CLEC4F: variants seen among roughly 807,000 people sequenced by gnomAD.
The protein encoded by CLEC4F is C-type lectin domain family 4 member F, also known as C-type (calcium dependent, carbohydrate-recognition domain) lectin, superfamily member 13.
CLEC4F carries 45 observed loss-of-function variants against 53.4 expected under a neutral mutation model. The ratio of observed to expected loss-of-function variants is 0.84; its 90% CI spans 0.66 to 1.08. CLEC4F has a LOEUF of 1.08. Ranked by LOEUF, CLEC4F falls within the 50% of genes least tolerant of loss-of-function variation. CLEC4F has a pLI of 0.00. For missense variants in CLEC4F, 753 were observed against 698.2 expected (o/e 1.08, Z -0.88); for synonymous variants, 245 against 257.5 (o/e 0.95, Z 0.46).
chr2:70,822,948 G>A (rs962191328), upstream of CLEC4F, among the ~76,000 whole-genome samples: 1 of 152,238 alleles, frequency 6.6e-6, no homozygotes, highest in Admixed American at 6.5e-5. Flanking sequence ...GAAGCCACAC[G>A]GAACGTGCCT....
In CLEC4F at chr2:70,819,457, A is replaced by C; in HGVS notation, c.179-13T>G. On this transcript the variant is annotated splice_polypyrimidine_tract_variant and intron_variant, in intron 2 of 6. Transcript: ENST00000272367. Reference sequence around the variant, plus strand: ...GTCTGCTGTTGAACTGAGACATTCCATTTTTCCAGGTCAGCAAATCCCCAG... The same window carrying C: ...GTCTGCTGTTGAACTGAGACATTCCCTTTTTCCAGGTCAGCAAATCCCCAG... 1 of 1,612,842 alleles carries C rather than the reference A, an allele frequency of 6.2e-7. No individual in the cohort carries two copies. Among genetic ancestry groups the C allele is most frequent in the Non-Finnish European group, 8.5e-7 (1 of 1,178,984 alleles).
rs782793654 is a variant in CLEC4F, at chr2:70,816,953, C to T, written c.428G>A (p.Gly143Glu). ...CATCTGGATGTCAGCATTGGTGTTT[C>T]CCAGATGATCACCGAGCACCTGGAG... The part of the protein sequence containing the change: ...SQLQVLGDHL[G>E]NTNADIQMVK... The change falls in exon 4 of 7, where the codon GGA (glycine) becomes GAA (glutamate). Residue 143 changes from glycine to glutamate, a missense_variant. Physicochemically the swap from Gly to Glu is moderately conservative, Grantham distance 98 (BLOSUM62 -2). Coordinates refer to ENST00000272367, the MANE Select transcript of CLEC4F (RefSeq NM_173535.3). The T allele has an allele frequency of 2.5e-6, 4 of 1,614,150 alleles. No homozygotes were observed. Among genetic ancestry groups the T allele is most frequent in the Non-Finnish European group, 1.7e-6 (2 of 1,180,034 alleles).
At chr2:70,810,257 C>T (rs1676474597) in intron 5 of CLEC4F, among the ~76,000 whole-genome samples, 1 of 151,706 alleles carries the variant, frequency 6.6e-6, no homozygotes. Flanking sequence ...ACAGATAATA[C>T]TAATCTTATT....
At chr2:70,818,397 G>A (rs1553396944) in intron 3 of CLEC4F, among the ~76,000 whole-genome samples, 3 of 152,150 alleles carry the variant, frequency 2.0e-5, no homozygotes, top group Admixed American at 1.3e-4. Flanking sequence ...TAACTCAAAT[G>A]AGGCAGAGAC....
rs78241995 is a variant in CLEC4F at position 70,816,596 on chromosome 2, T to A, written c.785A>T (p.Asp262Val). 4.0e-3 allele frequency: 6,440 copies of A among 1,614,082 alleles called. 221 individuals carry two copies. In the African/African-American group the frequency reaches 0.076, roughly 19 times the overall value. Residue 262 changes from aspartate to valine, a missense_variant, in exon 4 of 7, where the codon GAT becomes GTT. Asp to Val is a radical substitution (Grantham distance 152, BLOSUM62 -3). Transcript: ENST00000272367. ...CTGGGTCCTCAAGTCATTGACACTATCTAGATGGCCTCTCAAAACATAGAT... is the reference window on the plus strand; with the variant it reads ...CTGGGTCCTCAAGTCATTGACACTAACTAGATGGCCTCTCAAAACATAGAT... ...AEIYVLRGHL[D>V]SVNDLRTQNQ...
At chr2:70,818,970 T>A (rs567233814) in intron 3 of CLEC4F, among the ~76,000 whole-genome samples, 2 of 152,180 alleles carry the variant, frequency 1.3e-5, no homozygotes, top group East Asian at 3.9e-4. Context: ...TGATCTCTTA[T>A]CTATAAAACT....
chr2:70,809,896 G>A (rs782480125), intron 5 of CLEC4F, 39 bp from the exon 6 acceptor site: 6 of 1,443,206 alleles, frequency 4.2e-6, no homozygotes, highest in African/African-American at 1.4e-5. Context: ...CCCTGTGTGT[G>A]GGGAGCCAGT....
rs1413870882 is a variant in CLEC4F, at chr2:70,819,410, C to T, written c.213G>A (p.Val71=). 1 of 1,614,010 alleles carries T rather than the reference C, an allele frequency of 6.2e-7. No individual in the cohort carries two copies. Among genetic ancestry groups the T allele is most frequent in the Non-Finnish European group, 8.5e-7 (1 of 1,180,026 alleles). The change falls in exon 3 of 7, where the codon GTG becomes GTA. Residue 71 remains valine (V), a synonymous_variant. Transcript: ENST00000272367. The part of the protein sequence containing the change: ...QQQTRPVPKP[V]QAVILGDNIT... ...TGTTGTCTCCCAGAATTACGGCTTG[C>T]ACAGGCTTCGGAACAGGTCTTGTCT...
At chr2:70,817,890 G>A (rs1032411737) in intron 3 of CLEC4F, among the ~76,000 whole-genome samples, 4 of 152,170 alleles carry the variant, frequency 2.6e-5, no homozygotes, top group Non-Finnish European at 4.4e-5. Context: ...AAGGCCTTGC[G>A]CTGGGGTCGT....
chr2:70,809,509 G>T, intron 6 of CLEC4F, 127 bp from the exon 7 acceptor site: 1 of 1,055,656 alleles, frequency 9.5e-7, no homozygotes, highest in Non-Finnish European at 1.4e-6. Context: ...ACACCTGTGT[G>T]TCCAAACGCA....
At chr2:70,820,359 T>C in intron 1 of CLEC4F, 104 bp downstream of exon 1, 2 of 1,017,950 alleles carry the variant, frequency 2.0e-6, no homozygotes, top group Non-Finnish European at 2.9e-6. Flanking sequence ...GACAAGGGTC[T>C]GGGGAGAGCA....
Position 70,809,197 on chromosome 2 carries a change from T to A in CLEC4F, c.*74A>T. ...GAGCTGACTTGAGATGGGTCCTTCA[T>A]CCCCTAGTGGCCCTAGGATGAGGAC... On this transcript the variant is annotated 3_prime_UTR_variant, in exon 7 of 7. Coordinates refer to ENST00000272367, the MANE Select transcript of CLEC4F (RefSeq NM_173535.3). 6.3e-7 allele frequency: 1 copy of A among 1,575,350 alleles called. No individual in the cohort carries two copies. The highest frequency in any genetic ancestry group is 1.9e-5 in the Admixed American group (1 of 52,876).
chr2:70,812,454 T>C lies in CLEC4F; in HGVS notation c.1532A>G (p.Glu511Gly), dbSNP rs1676621696. 1.2e-6 allele frequency: 2 copies of C among 1,613,964 alleles called. No individual in the cohort carries two copies. The highest frequency in any genetic ancestry group is 1.3e-5 in the African/African-American group (1 of 74,910). Reference protein sequence around the residue: ...GAHLASVASKEEQAFLVEFTS... With the variant: ...GAHLASVASKGEQAFLVEFTS... Reference sequence around the variant, plus strand: ...CATGCTCGCAGCTCTGACCTGCTCCTCCTTGGAGGCCACAGATGCCAGATG... The same window carrying C: ...CATGCTCGCAGCTCTGACCTGCTCCCCCTTGGAGGCCACAGATGCCAGATG... Residue 511 changes from glutamate to glycine, a missense_variant, in exon 5 of 7, where the codon GAG (glutamate) becomes GGG (glycine). Transcript: ENST00000272367.
chr2:70,809,531 C>G lies in CLEC4F; in HGVS notation c.1659-149G>C, dbSNP rs59721134. On this transcript the variant is annotated intron_variant, in intron 6 of 6. Coordinates refer to ENST00000272367, the MANE Select transcript of CLEC4F (RefSeq NM_173535.3). Reference sequence around the variant, plus strand: ...TGTGTCCAAACGCACACACATCACACACATACCACACATACACCTCGCACA... The same window carrying G: ...TGTGTCCAAACGCACACACATCACAGACATACCACACATACACCTCGCACA... The G allele has an allele frequency of 4.3e-3, 3,760 of 873,542 alleles. 107 individuals carry two copies. In the African/African-American group the frequency reaches 0.056, roughly 13 times the overall value. The allele number at this position is 873,542 out of a possible 1,614,324, so 54.1% of individuals were successfully genotyped here.
rs1271209080 is a variant in CLEC4F at position 70,816,142 on chromosome 2, A to T, written c.1239T>A (p.Asn413Lys). The change falls in exon 4 of 7, where the codon AAT becomes AAA. Residue 413 changes from asparagine to lysine, a missense_variant. Coordinates refer to ENST00000272367, the MANE Select transcript of CLEC4F (RefSeq NM_173535.3). ...GGATCTCGGCACTGGCCTTCTGCAG[A>T]TTGCTGTCTAACATCTGGGTCTGGG... is the stretch of plus-strand genomic sequence containing the variant. The part of the protein sequence containing the change: ...LTSQTQMLDS[N>K]LQKASAEIQR... The T allele has an allele frequency of 1.4e-5, 23 of 1,614,002 alleles. No homozygotes were observed. The highest frequency in any genetic ancestry group is 1.9e-5 in the Non-Finnish European group (22 of 1,180,022).
chr2:70,815,735 C>T (rs1308695346), intron 4 of CLEC4F, among the ~76,000 whole-genome samples: 1 of 152,194 alleles, frequency 6.6e-6, no homozygotes, highest in Admixed American at 6.5e-5. Context: ...TAGCCCATGC[C>T]GTCCTTATCA....
intron 5 of CLEC4F, chr2:70,810,722 A>G (rs1676510240): frequency 5.5e-6 from 2 of 361,828 alleles, no homozygotes; most frequent in Non-Finnish European, 1.1e-5. Flanking sequence ...TACACGATTG[A>G]TGTGTCTAAA....
Position 70,812,366 on chromosome 2 carries a change from T to G in CLEC4F, c.1539+81A>C, listed in dbSNP as rs112848913. 9.8e-5 allele frequency: 148 copies of G among 1,504,470 alleles called. 2 individuals are homozygous for G. In the African/African-American group the frequency reaches 1.6e-3, roughly 16 times the overall value. The allele number at this position is 1,504,470 out of a possible 1,614,324, so 93.2% of individuals were successfully genotyped here. On this transcript the variant is annotated intron_variant, in intron 5 of 6. Coordinates refer to ENST00000272367, the MANE Select transcript of CLEC4F (RefSeq NM_173535.3). ...ACATGGAGGTCTCCGTCATACCCAC[T>G]GAGAGCAGGAAGGCCAAAACACCAA...
chr2:70,809,755 C>G lies in CLEC4F; in HGVS notation c.1642G>C (p.Ala548Pro). ...WRWTDGTPFN[A>P]AQNKAPGSKG... Reference sequence around the variant, plus strand: ...TAGACTCACGCTTTGTTCTGGGCGGCGTTGAATGGTGTCCCATCTGTCCAG... The same window carrying G: ...TAGACTCACGCTTTGTTCTGGGCGGGGTTGAATGGTGTCCCATCTGTCCAG... Residue 548 changes from alanine (A) to proline (P), a missense_variant, in exon 6 of 7, where the codon GCC (alanine) becomes CCC (proline). Physicochemically the swap from Ala to Pro is conservative, Grantham distance 27. Coordinates refer to ENST00000272367, the MANE Select transcript of CLEC4F (RefSeq NM_173535.3). 1.9e-6 allele frequency: 3 copies of G among 1,613,904 alleles called. No individual in the cohort carries two copies. Among genetic ancestry groups the G allele is most frequent in the Non-Finnish European group, 2.5e-6 (3 of 1,179,768 alleles).
Sources: gnomAD v4.1 joint callset for allele counts (sites outside exome capture counted in the v4.1 genomes callset) on GRCh38, gnomAD v4.1.1 for gene constraint, MANE v1.5 for transcripts, NCBI Gene and HGNC (gene_info 2026-07-23, HGNC 2026-07-21) for gene names.